Variants in CACNA2D2 observed in about 807,000 individuals in gnomAD.
CACNA2D2 encodes calcium voltage-gated channel auxiliary subunit alpha2delta 2, also known as voltage-dependent calcium channel subunit alpha-2/delta-2.
CACNA2D2 carries 48 observed loss-of-function variants against 166.4 expected under a neutral mutation model. The ratio of observed to expected loss-of-function variants is 0.29; its 90% CI spans 0.23 to 0.37. The LOEUF is 0.37. Among genes scored for constraint, CACNA2D2 ranks in the 10% least tolerant of loss-of-function variants. The pLI is 1.00. For synonymous variants in CACNA2D2, 561 were observed against 573.7 expected (o/e 0.98, Z 0.32); for missense variants, 1,122 against 1,433.0 (o/e 0.78, Z 3.50).
intron 2 of CACNA2D2, among the ~76,000 whole-genome samples, chr3:50,439,340 G>A (rs1486908179): frequency 2.0e-5 from 3 of 152,214 alleles, no homozygotes; most frequent in African/African-American, 7.2e-5. Flanking sequence ...ACAGGCACTC[G>A]CACGCAAGGC....
chr3:50,374,685 G>C (rs1704875170), intron 22 of CACNA2D2, 52 bp downstream of exon 22: 1 of 1,550,968 alleles, frequency 6.4e-7, no homozygotes, highest in Non-Finnish European at 8.7e-7. Flanking sequence ...GGCCGGCCAG[G>C]GTGCGGGGCA....
At chr3:50,413,434 A>C (rs1707118388) in intron 3 of CACNA2D2, among the ~76,000 whole-genome samples, 1 of 152,024 alleles carries the variant, frequency 6.6e-6, no homozygotes, top group Non-Finnish European at 1.5e-5. Context: ...CATTAACTGG[A>C]ATTGGGCCAT....
In CACNA2D2 at chr3:50,364,698, G is replaced by C. The variant is rs1393763730; in HGVS notation, c.3400C>G (p.Gln1134Glu). ...CGGCGAGAGGCGTGGACGAGGACTT[G>C]AGGCTGCGGCCGGGGCGGCAGGCCC... Reference protein sequence around the residue: ...LLGLPPRPQPQVLVHASRRL With the variant: ...LLGLPPRPQPEVLVHASRRL The change falls in exon 38 of 38, where the codon CAA (glutamine) becomes GAA (glutamate). Residue 1134 changes from glutamine (Q) to glutamate (E), a missense_variant. This residue lies in a region of CACNA2D2 where 282 missense variants were observed against 266.2 expected (regional missense o/e 1.06). Transcript: ENST00000424201. 1 of 1,543,538 alleles carries C rather than the reference G, an allele frequency of 6.5e-7. No homozygotes were observed. Among genetic ancestry groups the C allele is most frequent in the Admixed American group, 2.0e-5 (1 of 49,892 alleles).
At chr3:50,460,849 G>A (rs571652410) in intron 2 of CACNA2D2, among the ~76,000 whole-genome samples, 64 of 149,230 alleles carry the variant, frequency 4.3e-4, no homozygotes, top group Middle Eastern at 6.8e-3. Flanking sequence ...GCAAGACTCC[G>A]TCTCAAAAAA....
rs1559887630 is a variant in CACNA2D2, at chr3:50,377,453, A to G, written c.1626+14T>C. The G allele has an allele frequency of 3.1e-6, 5 of 1,608,204 alleles. No homozygotes were observed. The highest frequency in any genetic ancestry group is 4.3e-6 in the Non-Finnish European group (5 of 1,175,792). On this transcript the variant is annotated intron_variant, in intron 17 of 37. Transcript: ENST00000424201. ...TGGGAGGCAGGGTACGCGGATGGGC[A>G]GGGGGATGCTCACCGTGTAGTTGGG...
In CACNA2D2 at chr3:50,379,649, A is replaced by G; in HGVS notation, c.994-59T>C. 1 of 1,612,130 alleles carries G rather than the reference A, an allele frequency of 6.2e-7. No individual in the cohort carries two copies. Among genetic ancestry groups the G allele is most frequent in the Non-Finnish European group, 8.5e-7 (1 of 1,178,712 alleles). On this transcript the variant is annotated intron_variant, in intron 10 of 37. Transcript: ENST00000424201. The surrounding 1 kb of genome is among the most constrained non-coding windows in gnomAD (Gnocchi z 6.5). ...GCTGGCCGGGGTAGGCAGCTATTGC[A>G]TGGGGCTGGTGATGGTCACAGGAGC...
intron 4 of CACNA2D2, among the ~76,000 whole-genome samples, chr3:50,388,216 G>C (rs1437710006): frequency 6.6e-6 from 1 of 152,202 alleles, no homozygotes; most frequent in Non-Finnish European, 1.5e-5. Flanking sequence ...CTGGGTTCTT[G>C]GCCATCTGTG....
chr3:50,378,844 C>T (rs1358895702), intron 13 of CACNA2D2, 71 bp downstream of exon 13: 17 of 1,567,864 alleles, frequency 1.1e-5, no homozygotes, highest in Non-Finnish European at 1.3e-5. Flanking sequence ...TATGGATGGC[C>T]AGTTGAACAT....
chr3:50,480,251 G>A (rs914112475), intron 1 of CACNA2D2, among the ~76,000 whole-genome samples: 1 of 152,208 alleles, frequency 6.6e-6, no homozygotes, highest in African/African-American at 2.4e-5. Flanking sequence ...AGGCACTTCT[G>A]CCGCTGTGTG....
At chr3:50,381,509 T>G (rs903067102) in intron 6 of CACNA2D2, among the ~76,000 whole-genome samples, 6 of 152,074 alleles carry the variant, frequency 3.9e-5, no homozygotes, top group African/African-American at 1.2e-4. Flanking sequence ...CCATTCAGCA[T>G]GCACTCCAGG....
chr3:50,482,939 C>T (rs1444530191), intron 1 of CACNA2D2, among the ~76,000 whole-genome samples: 6 of 152,164 alleles, frequency 3.9e-5, no homozygotes, highest in Non-Finnish European at 7.4e-5. Context: ...ACAGTCTAGC[C>T]GAGATCACTC....
intron 1 of CACNA2D2, among the ~76,000 whole-genome samples, chr3:50,482,029 T>C (rs1698076129): frequency 6.6e-6 from 1 of 152,196 alleles, no homozygotes; most frequent in African/African-American, 2.4e-5. Flanking sequence ...TATAAAGTGC[T>C]ACTTAATTAT....
At position 50,376,316 on chromosome 3, in the gene CACNA2D2, C is replaced by A. The variant is rs587688491; in HGVS notation, c.1627-128G>T. On this transcript the variant is annotated intron_variant, in intron 17 of 37. Transcript: ENST00000424201. The surrounding 1 kb of genome is among the most constrained non-coding windows in gnomAD (Gnocchi z 4.3). ...TGTTTGCCTGCCTTGGGCTAAGGGC[C>A]CCCCCATGCCACGTGGCCCTAAGCC... is the stretch of plus-strand genomic sequence containing the variant. 70 of 981,000 alleles carry A rather than the reference C, an allele frequency of 7.1e-5. No individual in the cohort carries two copies. In the Admixed American group the frequency reaches 1.2e-3, roughly 17 times the overall value. The allele number at this position is 981,000 out of a possible 1,614,324, so 60.8% of individuals were successfully genotyped here. A position where few individuals can be genotyped will look rare whatever the true frequency, so the allele number is the denominator to read the frequency against.
intron 2 of CACNA2D2, among the ~76,000 whole-genome samples, chr3:50,461,139 G>A (rs1455648355): frequency 1.3e-5 from 2 of 152,104 alleles, no homozygotes; most frequent in Admixed American, 6.5e-5. Flanking sequence ...ATGAAAAGCC[G>A]CACAAAGATA....
At chr3:50,421,986 C>T (rs1407918554) in intron 3 of CACNA2D2, among the ~76,000 whole-genome samples, 1 of 152,120 alleles carries the variant, frequency 6.6e-6, no homozygotes, top group African/African-American at 2.4e-5. Flanking sequence ...TGACCATCCA[C>T]GTTGGTTCCT....
At chr3:50,481,649 C>G (rs565652478) in intron 1 of CACNA2D2, among the ~76,000 whole-genome samples, 21 of 152,290 alleles carry the variant, frequency 1.4e-4, no homozygotes, top group African/African-American at 5.1e-4. Context: ...TCTTGCTTCT[C>G]TCATGATAGG....
intron 3 of CACNA2D2, among the ~76,000 whole-genome samples, chr3:50,415,560 G>T (rs995769613): frequency 6.6e-6 from 1 of 152,232 alleles, no homozygotes; most frequent in Non-Finnish European, 1.5e-5. Flanking sequence ...CCCTCCTTGG[G>T]GTTACCATGG....
At chr3:50,371,793 G>C (rs943512486) in intron 22 of CACNA2D2, among the ~76,000 whole-genome samples, 5 of 152,118 alleles carry the variant, frequency 3.3e-5, no homozygotes, top group African/African-American at 4.8e-5. Flanking sequence ...AGAAAAAGGA[G>C]GGCGAAGGAG....
chr3:50,470,471 G>A (rs1400040000), intron 2 of CACNA2D2, among the ~76,000 whole-genome samples: 2 of 152,172 alleles, frequency 1.3e-5, no homozygotes, highest in African/African-American at 4.8e-5. Flanking sequence ...AAGGATATGG[G>A]CGACCTAAGC....
Sources: gnomAD v4.1 joint callset for allele counts (sites outside exome capture counted in the v4.1 genomes callset) on GRCh38, gnomAD v4.1.1 for gene constraint, gnomAD v4.1.1 regional missense constraint, Gnocchi (gnomAD v3.1) non-coding constraint, MANE v1.5 for transcripts, NCBI Gene and HGNC (gene_info 2026-07-23, HGNC 2026-07-21) for gene names.